Variants in PTPRJ observed in about 807,000 individuals in gnomAD.
PTPRJ encodes protein tyrosine phosphatase receptor type J.
PTPRJ carries 129 observed loss-of-function variants against 141.3 expected under a neutral mutation model. The observed-to-expected ratio is 0.91, with a 90% confidence interval of 0.79 to 1.06. The LOEUF (loss-of-function observed/expected upper bound fraction) is 1.06, where lower values mean the gene tolerates loss of function less well. Ranked by LOEUF, PTPRJ falls within the 50% of genes least tolerant of loss-of-function variation. The pLI is 0.00. For synonymous variants in PTPRJ, 610 were observed against 640.5 expected (o/e 0.95, Z 0.72); for missense variants, 1,601 against 1,679.7 (o/e 0.95, Z 0.82).
intron 22 of PTPRJ, among the ~76,000 whole-genome samples, chr11:48,162,447 G>A (rs1857809183): frequency 6.7e-6 from 1 of 148,838 alleles, no homozygotes; most frequent in Admixed American, 6.8e-5. Context: ...ATCTCTCACA[G>A]CTGGTTTCTG....
intron 8 of PTPRJ, among the ~76,000 whole-genome samples, chr11:48,133,424 C>T (rs924889076): frequency 2.0e-5 from 3 of 152,160 alleles, no homozygotes; most frequent in African/African-American, 7.2e-5. Flanking sequence ...GGACCCGTTT[C>T]ATTCAATGGT....
In PTPRJ at chr11:48,110,083, ACC is replaced by A. The variant is rs1389522966; in HGVS notation, c.115+9_115+10del. 2 of 1,612,890 alleles carry A rather than the reference ACC, an allele frequency of 1.2e-6. No individual in the cohort carries two copies. The highest frequency in any genetic ancestry group is 1.7e-6 in the Non-Finnish European group (2 of 1,179,110). ...ATCCTGTGCGCAGGTGGCAGTGAGT[ACC>A]CTTTTCCTCTCTATTCTTGTGTTGT... is the stretch of plus-strand genomic sequence containing the variant. On this transcript the variant is annotated splice_region_variant and intron_variant, in intron 2 of 24. Transcript: ENST00000418331.
chr11:48,015,310 A>C (rs1048759100), intron 1 of PTPRJ, among the ~76,000 whole-genome samples: 1 of 151,536 alleles, frequency 6.6e-6, no homozygotes, highest in Non-Finnish European at 1.5e-5. Context: ...CGTGTGGCTC[A>C]TCATGTTTTC....
chr11:48,129,359 C>T (rs1004043512), intron 7 of PTPRJ, among the ~76,000 whole-genome samples: 4 of 152,206 alleles, frequency 2.6e-5, no homozygotes, highest in African/African-American at 9.7e-5. Flanking sequence ...TTATAGATGA[C>T]TGTCTTCTCC....
intron 1 of PTPRJ, among the ~76,000 whole-genome samples, chr11:48,026,107 T>G (rs1332405268): frequency 6.6e-6 from 1 of 152,212 alleles, no homozygotes; most frequent in Non-Finnish European, 1.5e-5. Context: ...ACCACAGCCC[T>G]TATGACATAG....
At chr11:48,040,973 C>T (rs140570818) in intron 1 of PTPRJ, among the ~76,000 whole-genome samples, 2 of 152,110 alleles carry the variant, frequency 1.3e-5, no homozygotes, top group East Asian at 3.8e-4. Context: ...ACTGCCCTCT[C>T]TTTTATGGAC....
At position 48,097,698 on chromosome 11, in the gene PTPRJ, C is replaced by T. The variant is rs568075580; in HGVS notation, c.97-12360C>T. On this transcript the variant is annotated intron_variant, in intron 1 of 24. Coordinates refer to ENST00000418331, the MANE Select transcript of PTPRJ (RefSeq NM_002843.4). Reference sequence around the variant, plus strand: ...GACTACAGGTATACACTGCCAAGCCCGGCTAAGTTTTTGTATTTTAGTAGA... The same window carrying T: ...GACTACAGGTATACACTGCCAAGCCTGGCTAAGTTTTTGTATTTTAGTAGA... Among the ~76,000 whole-genome samples, 7 of 152,130 alleles carry T rather than the reference C, an allele frequency of 4.6e-5. No individual in the cohort carries two copies. In the East Asian group the frequency reaches 7.7e-4, roughly 17 times the overall value.
In PTPRJ at chr11:48,149,466, G is replaced by T. The variant is rs1447365818; in HGVS notation, c.3019G>T (p.Glu1007Ter). 1 of 1,519,762 alleles carries T rather than the reference G, an allele frequency of 6.6e-7. No individual in the cohort carries two copies. The highest frequency in any genetic ancestry group is 9.0e-7 in the Non-Finnish European group (1 of 1,107,336). 94.1% of individuals were successfully genotyped at this position (1,519,762 alleles called of 1,614,324 possible). ...AAACAGGAAAGATGCAAAGAATAAT[G>T]AAGTGTCCTTTTCTCAAATTAAGTA... ...RKKRKDAKNN[E>*]VSFSQIKPKK... The change falls in exon 16 of 25, where the codon GAA becomes TAA. Residue 1007 changes from glutamate (E) to a stop codon, truncating the protein, a stop_gained. Coordinates refer to ENST00000418331, the MANE Select transcript of PTPRJ (RefSeq NM_002843.4). LOFTEE classifies it high-confidence loss of function.
At chr11:48,098,472 C>T (rs1038578273) in intron 1 of PTPRJ, among the ~76,000 whole-genome samples, 1 of 152,116 alleles carries the variant, frequency 6.6e-6, no homozygotes, top group Non-Finnish European at 1.5e-5. Context: ...CCACCAGGCA[C>T]CATCCTCTGT....
chr11:48,000,188 T>C (rs995841904), intron 1 of PTPRJ, among the ~76,000 whole-genome samples: 2 of 148,784 alleles, frequency 1.3e-5, no homozygotes, highest in African/African-American at 5.0e-5. Context: ...TTGCCCAGGC[T>C]GGAGTGCAGT....
At chr11:48,115,375 G>A (rs1856538955) in intron 3 of PTPRJ, among the ~76,000 whole-genome samples, 1 of 152,156 alleles carries the variant, frequency 6.6e-6, no homozygotes, top group Admixed American at 6.5e-5. Context: ...AAACTTACAG[G>A]CCAGGAGAGA....
At chr11:48,054,592 C>T (rs527651485) in intron 1 of PTPRJ, among the ~76,000 whole-genome samples, 18 of 148,274 alleles carry the variant, frequency 1.2e-4, no homozygotes, top group African/African-American at 4.2e-4. Flanking sequence ...TTCATTTCAC[C>T]GCTTGTTTGC....
chr11:48,140,322 G>A (rs948188020), intron 11 of PTPRJ, among the ~76,000 whole-genome samples: 3 of 152,192 alleles, frequency 2.0e-5, no homozygotes, highest in East Asian at 1.9e-4. Flanking sequence ...GAGCCACTGC[G>A]CCTGGTCGTC....
intron 1 of PTPRJ, among the ~76,000 whole-genome samples, chr11:48,035,538 C>CTTTTTTTTTTTTTTTTTTTTTTT (rs66504227): frequency 2.3e-3 from 144 of 61,744 alleles, no homozygotes; most frequent in Non-Finnish European, 3.2e-3. Flanking sequence ...CTTTCTTCTT[C>CTTTTTTTTTTTTTTTTTTTTTTT]TTTTTTTTTT....
chr11:48,022,467 G>GA (rs112783037), intron 1 of PTPRJ, among the ~76,000 whole-genome samples: 1,943 of 137,804 alleles, frequency 0.014, 35 homozygotes, highest in African/African-American at 0.042. Flanking sequence ...TCCATCTCAA[G>GA]AAAAAAAAAA....
chr11:48,130,482 C>T lies in PTPRJ; in HGVS notation c.1381C>T (p.Arg461Ter), dbSNP rs747056325. ...HTPPVPVSDF[R>*]VTVVSTTEIG... ...AGCCCCTGTTCCAGTTTCTGACTTC[C>T]GAGTGACAGTGGTCAGCACGACGGA... The change falls in exon 8 of 25, where the codon CGA (arginine) becomes TGA (stop). Residue 461 changes from arginine (R) to a stop codon, truncating the protein, a stop_gained. Coordinates refer to ENST00000418331, the MANE Select transcript of PTPRJ (RefSeq NM_002843.4). LOFTEE classifies it high-confidence loss of function. 8.1e-6 allele frequency: 13 copies of T among 1,611,192 alleles called. No homozygotes were observed. Among genetic ancestry groups the T allele is most frequent in the South Asian group, 2.2e-5 (2 of 90,810 alleles).
intron 19 of PTPRJ, among the ~76,000 whole-genome samples, chr11:48,154,838 G>A (rs1396569385): frequency 6.6e-6 from 1 of 152,088 alleles, no homozygotes; most frequent in Non-Finnish European, 1.5e-5. Context: ...GGGTAATTTG[G>A]GATTATTGGC....
chr11:48,029,523 T>C (rs1590417814), intron 1 of PTPRJ, among the ~76,000 whole-genome samples: 2 of 152,232 alleles, frequency 1.3e-5, no homozygotes, highest in Non-Finnish European at 1.5e-5. Context: ...GCATCTCTTA[T>C]ATGTTACAGG....
intron 1 of PTPRJ, among the ~76,000 whole-genome samples, chr11:48,089,881 T>C (rs1855821434): frequency 6.6e-6 from 1 of 152,286 alleles, no homozygotes; most frequent in Non-Finnish European, 1.5e-5. Flanking sequence ...GAGCCAGCCA[T>C]TGAAGTGCAG....
Sources: allele counts gnomAD v4.1 joint callset (sites outside exome capture counted in the v4.1 genomes callset), GRCh38; gene constraint gnomAD v4.1.1; transcripts MANE v1.5; gene names NCBI Gene and HGNC (gene_info 2026-07-23, HGNC 2026-07-21).